Variants in ZNF28 observed in about 807,000 individuals in gnomAD.
The protein encoded by ZNF28 is zinc finger protein 28.
In ZNF28, 5 loss-of-function variants were observed where a neutral mutation model predicts 7.2. That is an observed-to-expected ratio of 0.70 (90% CI 0.36 to 1.46). The LOEUF (loss-of-function observed/expected upper bound fraction) is 1.46. Among genes scored for constraint, ZNF28 ranks in the 40% most tolerant of loss-of-function variants. The pLI is 0.03. For missense variants in ZNF28, 879 were observed against 866.6 expected (o/e 1.01, Z -0.18); for synonymous variants, 288 against 292.4 (o/e 0.99, Z 0.15).
chr19:52,801,651 T>C lies in ZNF28; in HGVS notation c.194A>G (p.Asn65Ser). ...TGTCCCTGTGTGGAACGCTTCTGTA[T>C]TGCCTTGCCCTGTTGAGAAGAATGT... ...MKTFFSTGQG[N>S]TEAFHTGTLQ... The change falls in exon 4 of 4, where the codon AAT becomes AGT. Residue 65 changes from asparagine (N) to serine (S), a missense_variant. By Grantham distance (46) the Asn-to-Ser change is conservative (BLOSUM62 1). Transcript: ENST00000457749. 6 of 1,613,618 alleles carry C rather than the reference T, an allele frequency of 3.7e-6. No individual in the cohort carries two copies. Among genetic ancestry groups the C allele is most frequent in the African/African-American group, 1.3e-5 (1 of 75,038 alleles).
chr19:52,817,233 A>C (rs1414498728), intron 2 of ZNF28, among the ~76,000 whole-genome samples: 1 of 152,054 alleles, frequency 6.6e-6, no homozygotes, highest in African/African-American at 2.4e-5. Flanking sequence ...TTAGCTGAGC[A>C]TGGTGGCGCA....
rs145858596 is a variant in ZNF28, at chr19:52,800,580, T to C, written c.1265A>G (p.Tyr422Cys). ...KCKVCDKAFAYNSYLAKHSII... is the reference protein window; with the variant it reads ...KCKVCDKAFACNSYLAKHSII... Reference sequence around the variant, plus strand: ...ACTATGTTTTGCCAGGTATGAATTATATGCAAAAGCCTTGTCACAAACCTT... The same window carrying C: ...ACTATGTTTTGCCAGGTATGAATTACATGCAAAAGCCTTGTCACAAACCTT... The change falls in exon 4 of 4, where the codon TAT becomes TGT. Residue 422 changes from tyrosine to cysteine, a missense_variant. By Grantham distance (194) the Tyr-to-Cys change is radical (BLOSUM62 -2). This residue lies in a region of ZNF28 where 864 missense variants were observed against 830.2 expected (regional missense o/e 1.04). Coordinates refer to ENST00000457749, the MANE Select transcript of ZNF28 (RefSeq NM_006969.5). The C allele has an allele frequency of 9.0e-4, 1,453 of 1,609,848 alleles. 10 individuals are homozygous for C. In the African/African-American group the frequency reaches 0.017, roughly 19 times the overall value.
intron 2 of ZNF28, chr19:52,810,317 T>A: frequency 6.3e-7 from 1 of 1,592,640 alleles, no homozygotes; most frequent in South Asian, 1.1e-5. Flanking sequence ...GTTCCATCAA[T>A]GCTGGCAATG....
chr19:52,811,452 C>T (rs1202694097), intron 2 of ZNF28, among the ~76,000 whole-genome samples: 2 of 147,696 alleles, frequency 1.4e-5, no homozygotes, highest in African/African-American at 2.6e-5. Flanking sequence ...GCGAGGAGCG[C>T]CTCTTCCCCG....
intron 2 of ZNF28, chr19:52,810,746 AAAG>A: frequency 3.1e-6 from 2 of 652,204 alleles, no homozygotes; most frequent in African/African-American, 2.3e-5. Flanking sequence ...AAAAAAGAGG[AAAG>A]AAGGGGAAAA....
chr19:52,813,928 T>C (rs1338730910), intron 2 of ZNF28, among the ~76,000 whole-genome samples: 1 of 146,568 alleles, frequency 6.8e-6, no homozygotes, highest in Non-Finnish European at 1.5e-5. Flanking sequence ...GGAGATGGAC[T>C]CTGTTTATTT....
rs147572973 is a variant in ZNF28, at chr19:52,815,308, G to T, written c.15+2636C>A. ...AGGCTGCTGGATCACCTGAAGACAG[G>T]AGTTCAACATCAGCCTGGCCAACAT... On this transcript the variant is annotated intron_variant, in intron 2 of 3. Coordinates refer to ENST00000457749, the MANE Select transcript of ZNF28 (RefSeq NM_006969.5). 2.7e-3 allele frequency among the ~76,000 whole-genome samples: 387 copies of T among 143,818 alleles called. 52 individuals carry two copies. Among genetic ancestry groups the T allele is most frequent in the African/African-American group, 9.5e-3 (346 of 36,326 alleles). 94.4% of individuals were successfully genotyped at this position (143,818 alleles called of 152,430 possible).
rs186504807 is a variant in ZNF28 at position 52,799,274 on chromosome 19, T to C, written c.*414A>G. The C allele has an allele frequency of 6.0e-4, 253 of 421,330 alleles. 3 individuals carry two copies. The highest frequency in any genetic ancestry group is 4.8e-3 in the African/African-American group (238 of 49,220). 26.1% of individuals were successfully genotyped at this position (421,330 alleles called of 1,614,324 possible). The stretch of plus-strand genomic sequence containing the variant: ...TGCCACACTCATCACATTTGTAAGG[T>C]TTCTCTCCAGTTTGAATTCTAATAT... On this transcript the variant is annotated 3_prime_UTR_variant, in exon 4 of 4. Transcript: ENST00000457749.
In ZNF28 at chr19:52,800,040, G is replaced by A; in HGVS notation, c.1805C>T (p.Thr602Ile). ...SHLAQHQRVH[T>I]GEKPYKCNEC... Reference sequence around the variant, plus strand: ...ATTACACTTGTAAGGTTTCTCTCCAGTATGAACTCTCTGATGTTGTGCCAG... The same window carrying A: ...ATTACACTTGTAAGGTTTCTCTCCAATATGAACTCTCTGATGTTGTGCCAG... The change falls in exon 4 of 4, where the codon ACT (threonine) becomes ATT (isoleucine). Residue 602 changes from threonine to isoleucine, a missense_variant. Coordinates refer to ENST00000457749, the MANE Select transcript of ZNF28 (RefSeq NM_006969.5). The A allele has an allele frequency of 6.2e-7, 1 of 1,614,190 alleles. No individual in the cohort carries two copies. The highest frequency in any genetic ancestry group is 8.5e-7 in the Non-Finnish European group (1 of 1,180,014).
chr19:52,810,839 GTCCCTCTCCCTC>G (rs1568655607), intron 2 of ZNF28: 6 of 148,524 alleles, frequency 4.0e-5, no homozygotes, highest in African/African-American at 6.3e-5. Flanking sequence ...TAAAAAAAGA[GTCCCTCTCCCTC>G]TCCCTCTCCC....
At chr19:52,820,968 G>GC in intron 1 of ZNF28, among the ~76,000 whole-genome samples, 1 of 152,134 alleles carries the variant, frequency 6.6e-6, no homozygotes, top group South Asian at 2.1e-4. Flanking sequence ...TAAGACACCT[G>GC]CATCTCGGAG....
chr19:52,821,288 G>T (rs2063194848), intron 1 of ZNF28, among the ~76,000 whole-genome samples: 1 of 152,130 alleles, frequency 6.6e-6, no homozygotes, highest in Non-Finnish European at 1.5e-5. Context: ...CCTCTAGGGT[G>T]AGGACTTTAA....
chr19:52,810,504 G>T (rs1199355320), intron 2 of ZNF28: 1 of 1,588,220 alleles, frequency 6.3e-7, no homozygotes. Context: ...CTATTTAGAG[G>T]AAGGCAAATC....
Position 52,800,262 on chromosome 19 carries a change from C to A in ZNF28, c.1583G>T (p.Cys528Phe). ...TGCTTTTGTACTAAAAACCTTGCCACATTCATTACACATGTATGGTTTCTC... is the reference window on the plus strand; with the variant it reads ...TGCTTTTGTACTAAAAACCTTGCCAAATTCATTACACATGTATGGTTTCTC... Reference protein sequence around the residue: ...TGEKPYMCNECGKVFSTKANL... With the variant: ...TGEKPYMCNEFGKVFSTKANL... The change falls in exon 4 of 4, where the codon TGT becomes TTT. Residue 528 changes from cysteine (C) to phenylalanine (F), a missense_variant. Coordinates refer to ENST00000457749, the MANE Select transcript of ZNF28 (RefSeq NM_006969.5). The A allele has an allele frequency of 3.1e-6, 5 of 1,613,474 alleles. No individual in the cohort carries two copies. The highest frequency in any genetic ancestry group is 4.2e-6 in the Non-Finnish European group (5 of 1,179,846).
At chr19:52,816,400 C>T (rs1422048020) in intron 2 of ZNF28, among the ~76,000 whole-genome samples, 2 of 145,986 alleles carry the variant, frequency 1.4e-5, no homozygotes, top group Non-Finnish European at 3.0e-5. Context: ...CGCGGTGGCT[C>T]AAGCCTGTAA....
intron 2 of ZNF28, 97 bp downstream of exon 2, chr19:52,817,847 G>A (rs2063146520): frequency 3.8e-6 from 6 of 1,587,992 alleles, no homozygotes; most frequent in Admixed American, 3.4e-5. Flanking sequence ...AAACATATCA[G>A]GCAGGACACT....
At chr19:52,817,141 A>C (rs927776343) in intron 2 of ZNF28, among the ~76,000 whole-genome samples, 2 of 152,084 alleles carry the variant, frequency 1.3e-5, no homozygotes, top group African/African-American at 4.8e-5. Context: ...AGGAAGCCAA[A>C]GTAGGCGGAT....
rs533737342 is a variant in ZNF28 at position 52,807,939 on chromosome 19, G to C, written c.142+68C>G. On this transcript the variant is annotated intron_variant, in intron 3 of 3. Transcript: ENST00000457749. ...TCCATTTTAGTCAAGTAAGGATGTGGCTCCCAAGAGGCAACAAGAGAAAAT... is the reference window on the plus strand; with the variant it reads ...TCCATTTTAGTCAAGTAAGGATGTGCCTCCCAAGAGGCAACAAGAGAAAAT... 85 of 1,605,752 alleles carry C rather than the reference G, an allele frequency of 5.3e-5. 2 individuals carry two copies. The East Asian group carries it at 1.8e-3, about 34-fold the overall frequency.
At chr19:52,818,709 A>AAT (rs71183839) in intron 1 of ZNF28, among the ~76,000 whole-genome samples, 96,797 of 150,880 alleles carry the variant, frequency 0.64, 32,048 homozygotes, top group Non-Finnish European at 0.73. Context: ...TCAAAAATAA[A>AAT]AAAATACAAA....
Sources: gnomAD v4.1 joint callset for allele counts (sites outside exome capture counted in the v4.1 genomes callset) on GRCh38, gnomAD v4.1.1 for gene constraint, gnomAD v4.1.1 regional missense constraint, MANE v1.5 for transcripts, NCBI Gene and HGNC (gene_info 2026-07-23, HGNC 2026-07-21) for gene names.